RBBP8: variants seen among roughly 807,000 people sequenced by gnomAD.
RBBP8 encodes RB binding protein 8, endonuclease, also known as DNA endonuclease RBBP8.
Under a neutral mutation model 108.3 loss-of-function variants are expected in RBBP8, and 88 were observed. That is an observed-to-expected ratio of 0.81 (90% CI 0.68 to 0.97). RBBP8 has a LOEUF of 0.97. Ranked by LOEUF, RBBP8 falls within the 50% of genes least tolerant of loss-of-function variation. The pLI, the probability that RBBP8 is intolerant of heterozygous loss-of-function variation, is 0.00. For missense variants in RBBP8, 1,023 were observed against 1,049.0 expected, an observed-to-expected ratio of 0.98 and a Z score of 0.34; for synonymous variants, 332 against 348.2, an observed-to-expected ratio of 0.95 and a Z score of 0.52.
At chr18:23,005,411 G>A (rs780840494) in intron 15 of RBBP8, among the ~76,000 whole-genome samples, 14 of 151,908 alleles carry the variant, frequency 9.2e-5, no homozygotes, top group Non-Finnish European at 2.1e-4. Context: ...ATACTTATGT[G>A]TAAATTTTTT....
intron 3 of RBBP8, among the ~76,000 whole-genome samples, chr18:22,925,833 C>T (rs1419053784): frequency 6.6e-6 from 1 of 152,148 alleles, no homozygotes; most frequent in East Asian, 1.9e-4. Context: ...AGGTACAATG[C>T]AGTATAATAC....
intron 16 of RBBP8, among the ~76,000 whole-genome samples, chr18:23,013,026 C>G (rs149015606): frequency 4.0e-5 from 6 of 151,822 alleles, no homozygotes; most frequent in African/African-American, 1.4e-4. Flanking sequence ...GACAGCACAT[C>G]TGTTTATGGC....
chr18:22,959,671 C>T (rs1053955653), intron 4 of RBBP8, among the ~76,000 whole-genome samples: 9 of 151,646 alleles, frequency 5.9e-5, no homozygotes, highest in African/African-American at 1.7e-4. Flanking sequence ...CAATCACGTA[C>T]GTAATATCCA....
chr18:22,953,720 T>C (rs1186093438), intron 4 of RBBP8, among the ~76,000 whole-genome samples: 1 of 152,044 alleles, frequency 6.6e-6, no homozygotes, highest in Admixed American at 6.5e-5. Flanking sequence ...TACTTTCTTT[T>C]ATGTAGTCTA....
Position 23,026,252 on chromosome 18 carries a change from G to A in RBBP8, c.*12G>A, listed in dbSNP as rs371767031. 7 of 1,600,916 alleles carry A rather than the reference G, an allele frequency of 4.4e-6. No individual in the cohort carries two copies. Among genetic ancestry groups the A allele is most frequent in the Non-Finnish European group, 6.0e-6 (7 of 1,168,566 alleles). On this transcript the variant is annotated 3_prime_UTR_variant, in exon 19 of 19. Coordinates refer to ENST00000327155, the MANE Select transcript of RBBP8 (RefSeq NM_002894.3). ...AGCAGAAGACATAGACGTTGAAACAGAAACAGAAGGATGAAGGACAGTTTT... is the reference window on the plus strand; with the variant it reads ...AGCAGAAGACATAGACGTTGAAACAAAAACAGAAGGATGAAGGACAGTTTT...
chr18:23,022,029 T>C (rs1207321590), intron 17 of RBBP8, 100 bp from the exon 18 acceptor site: 52 of 938,744 alleles, frequency 5.5e-5, no homozygotes, highest in Middle Eastern at 4.3e-4. Flanking sequence ...CTGCTGAATA[T>C]CTTAGTAAAT....
intron 2 of RBBP8, 27 bp from the exon 3 acceptor site, chr18:22,946,417 G>C (rs1426998160): frequency 6.2e-7 from 1 of 1,610,696 alleles, no homozygotes; most frequent in East Asian, 2.2e-5. Flanking sequence ...TGTTGTAGAA[G>C]TAATACCTTT....
intron 15 of RBBP8, among the ~76,000 whole-genome samples, chr18:23,003,474 G>A (rs1021297510): frequency 8.5e-5 from 13 of 152,148 alleles, no homozygotes; most frequent in African/African-American, 3.1e-4. Flanking sequence ...CTTGCTTAAT[G>A]TCTATTTTCT....
At chr18:23,022,659 A>AAATAAAAT (rs2046384185) in intron 18 of RBBP8, among the ~76,000 whole-genome samples, 1 of 71,796 alleles carries the variant, frequency 1.4e-5, no homozygotes, top group African/African-American at 3.3e-5. Flanking sequence ...AATATAAAAT[A>AAATAAAAT]AAATAAAATA....
intron 15 of RBBP8, among the ~76,000 whole-genome samples, chr18:23,005,652 A>G (rs1165226555): frequency 6.6e-6 from 1 of 152,022 alleles, no homozygotes; most frequent in Non-Finnish European, 1.5e-5. Context: ...ACCTCAGGTG[A>G]TCCACCCACC....
chr18:22,944,009 G>C (rs571451500), intron 2 of RBBP8, among the ~76,000 whole-genome samples: 1 of 152,216 alleles, frequency 6.6e-6, no homozygotes, highest in African/African-American at 2.4e-5. Flanking sequence ...AGGTATCTTA[G>C]GTTGCCAGTG....
chr18:22,953,736 T>A (rs189906186), intron 4 of RBBP8, among the ~76,000 whole-genome samples: 37 of 150,696 alleles, frequency 2.5e-4, no homozygotes, highest in East Asian at 2.1e-3. Context: ...GTCTATATAT[T>A]TTTTTTTTAT....
intron 16 of RBBP8, among the ~76,000 whole-genome samples, chr18:23,007,074 A>T (rs1382334305): frequency 2.8e-5 from 4 of 144,416 alleles, no homozygotes; most frequent in Non-Finnish European, 6.0e-5. Context: ...CGGCTGGAGT[A>T]CAGTGGCGCA....
rs76219874 is a variant in RBBP8, at chr18:22,994,414, T to A, written c.1939+567T>A. ...TCCCAGCACTTTGGGAGGCCGACGC[T>A]GGTGGATCACGATGTCAGGAGATCG... On this transcript the variant is annotated intron_variant, in intron 12 of 18. Transcript: ENST00000327155. Among the ~76,000 whole-genome samples, 5 of 374 alleles carry A rather than the reference T, an allele frequency of 0.013. No individual in the cohort carries two copies. The East Asian group carries it at 0.17, about 12-fold the overall frequency. The allele number at this position is 374 out of a possible 152,430, so 0.2% of individuals were successfully genotyped here.
At chr18:23,013,202 CAG>C (rs1391362765) in intron 16 of RBBP8, among the ~76,000 whole-genome samples, 1 of 151,830 alleles carries the variant, frequency 6.6e-6, no homozygotes, top group Non-Finnish European at 1.5e-5. Context: ...GTAATAATTG[CAG>C]AGTTAGTCAA....
At chr18:22,938,475 C>T (rs554104212) in intron 2 of RBBP8, among the ~76,000 whole-genome samples, 21 of 152,278 alleles carry the variant, frequency 1.4e-4, no homozygotes, top group African/African-American at 3.8e-4. Context: ...GCGTGAGCTG[C>T]GCCCAGCCAG....
intron 4 of RBBP8, among the ~76,000 whole-genome samples, chr18:22,956,304 A>C (rs895825880): frequency 6.6e-6 from 1 of 151,902 alleles, no homozygotes; most frequent in African/African-American, 2.4e-5. Context: ...GTATTTTGTT[A>C]ATTTTTTTTT....
intron 3 of RBBP8, among the ~76,000 whole-genome samples, chr18:22,917,992 C>A (rs886956635): frequency 1.0e-5 from 1 of 95,242 alleles, no homozygotes. Flanking sequence ...AGCAAGACTC[C>A]GTCTCAAAAA....
At chr18:22,921,911 GTAAAGT>G (rs1326113350) in intron 3 of RBBP8, among the ~76,000 whole-genome samples, 1 of 152,116 alleles carries the variant, frequency 6.6e-6, no homozygotes, top group Non-Finnish European at 1.5e-5. Context: ...TTTCACACTA[GTAAAGT>G]TATAGTAAAA....
Sources: gnomAD v4.1 joint callset for allele counts (sites outside exome capture counted in the v4.1 genomes callset) on GRCh38, gnomAD v4.1.1 for gene constraint, MANE v1.5 for transcripts, NCBI Gene and HGNC (gene_info 2026-07-23, HGNC 2026-07-21) for gene names.